Variants in WWC1 observed in about 807,000 individuals in gnomAD.
WWC1 encodes the protein WW and C2 domain containing 1.
WWC1 carries 55 observed loss-of-function variants against 138.4 expected under a neutral mutation model. The ratio of observed to expected loss-of-function variants is 0.40; its 90% CI spans 0.32 to 0.50. The LOEUF is 0.50. WWC1 is among the 20% of genes least tolerant of loss of function. WWC1 has a pLI of 0.72. For synonymous variants in WWC1, 524 were observed against 564.9 expected, an observed-to-expected ratio of 0.93 and a Z score of 1.03; for missense variants, 1,226 against 1,420.4, an observed-to-expected ratio of 0.86 and a Z score of 2.20.
chr5:168,431,764 G>A (rs1359116663), intron 15 of WWC1, among the ~76,000 whole-genome samples: 4 of 152,116 alleles, frequency 2.6e-5, no homozygotes, highest in African/African-American at 9.7e-5. Flanking sequence ...TACAGCATGA[G>A]AGATTAGATA....
At chr5:168,465,892 A>T (rs1329277864) in intron 21 of WWC1, among the ~76,000 whole-genome samples, 5 of 152,090 alleles carry the variant, frequency 3.3e-5, no homozygotes, top group Non-Finnish European at 7.4e-5. Flanking sequence ...ATGCAGGGGA[A>T]GTCCCTCACA....
chr5:168,330,694 A>G (rs1772957154), intron 1 of WWC1, among the ~76,000 whole-genome samples: 1 of 152,116 alleles, frequency 6.6e-6, no homozygotes, highest in Admixed American at 6.5e-5. Context: ...GGCTGTTGGA[A>G]GAAAAGGAAC....
intron 1 of WWC1, among the ~76,000 whole-genome samples, chr5:168,310,486 A>G (rs933373729): frequency 1.1e-4 from 16 of 151,750 alleles, no homozygotes; most frequent in African/African-American, 3.9e-4. Flanking sequence ...CATATAATGT[A>G]TATCATTTAT....
intron 1 of WWC1, among the ~76,000 whole-genome samples, chr5:168,324,195 G>A (rs911681924): frequency 3.3e-5 from 5 of 152,212 alleles, no homozygotes; most frequent in African/African-American, 1.2e-4. Context: ...CAGCACTTTG[G>A]GAGGCTGAGG....
chr5:168,356,822 G>A (rs897914731), intron 1 of WWC1, among the ~76,000 whole-genome samples: 2 of 152,228 alleles, frequency 1.3e-5, no homozygotes, highest in Admixed American at 6.5e-5. Context: ...CCAGTTACCA[G>A]CTGGGAATAA....
chr5:168,319,532 A>G (rs1302920766), intron 1 of WWC1, among the ~76,000 whole-genome samples: 1 of 152,218 alleles, frequency 6.6e-6, no homozygotes, highest in Non-Finnish European at 1.5e-5. Context: ...TTTTGAGACA[A>G]GGTCTCTTTC....
At chr5:168,440,258 C>T (rs940881093) in intron 15 of WWC1, among the ~76,000 whole-genome samples, 8 of 152,234 alleles carry the variant, frequency 5.3e-5, no homozygotes, top group African/African-American at 1.9e-4. Flanking sequence ...AATGAGATAC[C>T]ACCTCACACA....
intron 11 of WWC1, among the ~76,000 whole-genome samples, chr5:168,424,604 T>C (rs1781366505): frequency 6.6e-6 from 1 of 152,114 alleles, no homozygotes; most frequent in Non-Finnish European, 1.5e-5. Context: ...GTGTCTTGAA[T>C]GGTGAGATGG....
intron 19 of WWC1, among the ~76,000 whole-genome samples, chr5:168,455,983 A>T (rs1756280785): frequency 6.6e-6 from 1 of 152,068 alleles, no homozygotes; most frequent in African/African-American, 2.4e-5. Context: ...TTTTAATTGA[A>T]CCTGCTGCTA....
chr5:168,349,798 T>G (rs951055641), intron 1 of WWC1, among the ~76,000 whole-genome samples: 3 of 152,138 alleles, frequency 2.0e-5, no homozygotes, highest in Admixed American at 2.0e-4. Context: ...GCCCTTCCTG[T>G]TTTTGGAAGA....
At chr5:168,386,323 A>T (rs1561689766) in intron 3 of WWC1, among the ~76,000 whole-genome samples, 1 of 150,616 alleles carries the variant, frequency 6.6e-6, no homozygotes, top group Non-Finnish European at 1.5e-5. Flanking sequence ...TGGGGCTCCT[A>T]TCCTATCCCT....
chr5:168,318,558 C>G (rs376298669), intron 1 of WWC1, among the ~76,000 whole-genome samples: 3 of 142,600 alleles, frequency 2.1e-5, no homozygotes, highest in Non-Finnish European at 4.5e-5. Flanking sequence ...TTGTGACTGG[C>G]TATTTTTTTT....
chr5:168,452,701 C>A (rs1294372264), intron 17 of WWC1, among the ~76,000 whole-genome samples: 1 of 152,168 alleles, frequency 6.6e-6, no homozygotes, highest in African/African-American at 2.4e-5. Flanking sequence ...AAGCTTTATT[C>A]ATACTTGCTT....
At chr5:168,409,312 C>T (rs1347807968) in intron 7 of WWC1, among the ~76,000 whole-genome samples, 2 of 152,178 alleles carry the variant, frequency 1.3e-5, no homozygotes, top group African/African-American at 4.8e-5. Flanking sequence ...GCTGTCTTCC[C>T]ACTTGTCCAA....
chr5:168,431,491 TGG>T, intron 15 of WWC1, 47 bp downstream of exon 15: 1 of 1,558,334 alleles, frequency 6.4e-7, no homozygotes, highest in Non-Finnish European at 8.7e-7. Context: ...GCTGGCTGGC[TGG>T]CTGGCTGGCT....
chr5:168,357,295 TTCTC>T (rs1775498573), intron 1 of WWC1, among the ~76,000 whole-genome samples: 1 of 110,412 alleles, frequency 9.1e-6, no homozygotes, highest in Non-Finnish European at 1.9e-5. Context: ...TTCTTCCTCT[TTCTC>T]TCTTACACAC....
chr5:168,440,501 GTTGTTGTTGTTGTT>G (rs906422072), intron 15 of WWC1, among the ~76,000 whole-genome samples: 12 of 151,748 alleles, frequency 7.9e-5, no homozygotes, highest in African/African-American at 2.9e-4. Context: ...TTTTGTTGTT[GTTGTTGTTGTTGTT>G]TTGTTTTGTT....
At chr5:168,335,272 C>T (rs1408490623) in intron 1 of WWC1, among the ~76,000 whole-genome samples, 1 of 152,170 alleles carries the variant, frequency 6.6e-6, no homozygotes, top group East Asian at 1.9e-4. Flanking sequence ...CTAGCAGAGA[C>T]ATCCCAGCAG....
chr5:168,332,852 G>C (rs1237421507), intron 1 of WWC1, among the ~76,000 whole-genome samples: 3 of 152,034 alleles, frequency 2.0e-5, no homozygotes, highest in African/African-American at 7.2e-5. Flanking sequence ...GGGACTGAAG[G>C]CATGAGCCAC....
Sources: allele counts gnomAD v4.1 joint callset (sites outside exome capture counted in the v4.1 genomes callset), GRCh38; gene constraint gnomAD v4.1.1; transcripts MANE v1.5; gene names NCBI Gene and HGNC (gene_info 2026-07-23, HGNC 2026-07-21).